SF3B2: variants seen among roughly 807,000 people sequenced by gnomAD.
The protein encoded by SF3B2 is splicing factor 3b subunit 2, also known as SAP 145.
Under a neutral mutation model 116.3 loss-of-function variants are expected in SF3B2, and 22 were observed. The observed-to-expected ratio is 0.19, with a 90% CI of 0.14 to 0.27. The LOEUF (loss-of-function observed/expected upper bound fraction) is 0.27. SF3B2 is among the 10% of genes least tolerant of loss of function. The pLI, the probability that SF3B2 is intolerant of heterozygous loss-of-function variation, is 1.00. For missense variants in SF3B2, 767 were observed against 1,151.4 expected (o/e 0.67, Z 4.83); for synonymous variants, 406 against 421.6 (o/e 0.96, Z 0.45).
rs568184615 is a variant in SF3B2 at position 66,061,798 on chromosome 11, G to C, written c.1869+23G>C. ...CCAGTGAGTGTCAGTTAGCTGTCTG[G>C]GGAAGCAGCGAAGAGGCTGGTGGGG... On this transcript the variant is annotated intron_variant, in intron 15 of 21. Coordinates refer to ENST00000322535, the MANE Select transcript of SF3B2 (RefSeq NM_006842.3). 11 of 1,609,658 alleles carry C rather than the reference G, an allele frequency of 6.8e-6. No individual in the cohort carries two copies. The South Asian group carries it at 9.9e-5, about 14-fold the overall frequency.
chr11:66,062,141 C>T (rs1309970574), intron 16 of SF3B2, 143 bp downstream of exon 16: 3 of 663,388 alleles, frequency 4.5e-6, no homozygotes, highest in Non-Finnish European at 7.7e-6. Flanking sequence ...TGTCATATAC[C>T]ATGTGTATGT....
chr11:66,055,808 T>A (rs1856983720), intron 5 of SF3B2: 4 of 517,854 alleles, frequency 7.7e-6, no homozygotes, highest in South Asian at 3.3e-5. Context: ...AACTTTAAAA[T>A]TTTTTAAGGG....
At chr11:66,061,039 AC>A (rs1399072862) in intron 14 of SF3B2, among the ~76,000 whole-genome samples, 4 of 151,898 alleles carry the variant, frequency 2.6e-5, no homozygotes, top group Non-Finnish European at 5.9e-5. Flanking sequence ...CAAGTGATCC[AC>A]CCGCCTCAGC....
At chr11:66,056,800 GT>G (rs1565087671) in intron 5 of SF3B2, 37 bp from the exon 6 acceptor site, 1 of 1,514,336 alleles carries the variant, frequency 6.6e-7, no homozygotes. Context: ...TGCCAAATGC[GT>G]TTTCAGGCAG....
intron 19 of SF3B2, chr11:66,067,605 G>A (rs564679558): frequency 6.4e-6 from 3 of 470,988 alleles, no homozygotes; most frequent in East Asian, 6.2e-5. Flanking sequence ...AACTGTTGTC[G>A]CCTGCTCTAT....
At chr11:66,056,590 C>A (rs1434989975) in intron 5 of SF3B2, among the ~76,000 whole-genome samples, 1 of 152,080 alleles carries the variant, frequency 6.6e-6, no homozygotes, top group Non-Finnish European at 1.5e-5. Context: ...ATATGAAATT[C>A]TCTGCTAGGA....
chr11:66,061,618 G>A (rs998265345), intron 14 of SF3B2, 68 bp from the exon 15 acceptor site: 27 of 1,160,108 alleles, frequency 2.3e-5, no homozygotes, highest in African/African-American at 1.2e-4. Context: ...TATATCTGAT[G>A]TGCGTTAGGA....
In SF3B2 at chr11:66,056,917, T is replaced by C. The variant is rs774931746; in HGVS notation, c.629T>C (p.Met210Thr). The stretch of plus-strand genomic sequence containing the variant: ...CCAGTCCCTCGGCCCCCACAAGACA[T>C]GGGCCAGATTGGTGTGCGCACTCCT... ...GTPVPRPPQD[M>T]GQIGVRTPLG... Residue 210 changes from methionine to threonine, a missense_variant, in exon 6 of 22, where the codon ATG becomes ACG. By Grantham distance (81) the Met-to-Thr change is moderately conservative. This residue lies in a region of SF3B2 where 455 missense variants were observed against 537.5 expected (regional missense o/e 0.85). Coordinates refer to ENST00000322535, the MANE Select transcript of SF3B2 (RefSeq NM_006842.3). 2 of 1,614,056 alleles carry C rather than the reference T, an allele frequency of 1.2e-6. No homozygotes were observed. Among genetic ancestry groups the C allele is most frequent in the Admixed American group, 1.7e-5 (1 of 60,022 alleles).
chr11:66,054,293 A>G (rs1406372939), intron 3 of SF3B2, among the ~76,000 whole-genome samples: 1 of 151,988 alleles, frequency 6.6e-6, no homozygotes, highest in Admixed American at 6.6e-5. Context: ...CCTGGCCAAC[A>G]TGGTGAAACC....
In SF3B2 at chr11:66,069,197, A is replaced by G. The variant is rs111751140; in HGVS notation, c.*452A>G. Reference sequence around the variant, plus strand: ...GCCCTAGCGCGGCAGAGGAAGTAACAGTGGGCTTGGGAAGTAGGCCAGGGC... The same window carrying G: ...GCCCTAGCGCGGCAGAGGAAGTAACGGTGGGCTTGGGAAGTAGGCCAGGGC... On this transcript the variant is annotated 3_prime_UTR_variant, in exon 22 of 22. Transcript: ENST00000322535. 967 of 358,678 alleles carry G rather than the reference A, an allele frequency of 2.7e-3. 8 individuals are homozygous for G. The highest frequency in any genetic ancestry group is 0.018 in the African/African-American group (854 of 47,122). 22.2% of individuals were successfully genotyped at this position (358,678 alleles called of 1,614,324 possible).
chr11:66,064,028 T>C (rs1379216265), intron 19 of SF3B2, among the ~76,000 whole-genome samples: 1 of 152,028 alleles, frequency 6.6e-6, no homozygotes, highest in Admixed American at 6.5e-5. Context: ...AAGACCCGAA[T>C]GAAAAAGCGC....
intron 4 of SF3B2, 98 bp from the exon 5 acceptor site, chr11:66,055,437 A>G (rs1219413324): frequency 7.5e-6 from 12 of 1,596,802 alleles, no homozygotes; most frequent in Middle Eastern, 1.8e-4. Flanking sequence ...AGATTGGAAC[A>G]TGGGCCCTTG....
chr11:66,061,146 C>T (rs977783767), intron 14 of SF3B2, among the ~76,000 whole-genome samples: 22 of 152,254 alleles, frequency 1.4e-4, no homozygotes, highest in African/African-American at 5.3e-4. Context: ...TAGAATTGCC[C>T]ATCGACTACC....
chr11:66,053,045 CGGCCGGTTT>C lies in SF3B2; in HGVS notation c.200_208del (p.Arg67_Val69del). 1 of 1,614,130 alleles carries C rather than the reference CGGCCGGTTT, an allele frequency of 6.2e-7. No individual in the cohort carries two copies. Among genetic ancestry groups the C allele is most frequent in the South Asian group, 1.1e-5 (1 of 91,084 alleles). Reference sequence around the variant, plus strand: ...TTTGCAGACTGGCATCGTGCTGAATCGGCCGGTTTTGAGAGGGGAAGATGGGGACAAAGC... The same window carrying C: ...TTTGCAGACTGGCATCGTGCTGAATCTGAGAGGGGAAGATGGGGACAAAGC... On this transcript the variant is annotated inframe_deletion, in exon 3 of 22. Transcript: ENST00000322535.
At chr11:66,056,732 T>C (rs760619346) in intron 5 of SF3B2, 106 bp from the exon 6 acceptor site, 10 of 810,448 alleles carry the variant, frequency 1.2e-5, no homozygotes, top group Middle Eastern at 2.4e-4. Context: ...AAGTGGTTCG[T>C]GATTGTTCTC....
At chr11:66,063,194 A>G in intron 17 of SF3B2, 78 bp downstream of exon 17, 1 of 1,198,396 alleles carries the variant, frequency 8.3e-7, no homozygotes, top group Non-Finnish European at 1.2e-6. Flanking sequence ...CTTCATTATC[A>G]GGGAGTTGTG....
chr11:66,053,018 C>T lies in SF3B2; in HGVS notation c.181-9C>T. On this transcript the variant is annotated splice_polypyrimidine_tract_variant and intron_variant, in intron 2 of 21. Coordinates refer to ENST00000322535, the MANE Select transcript of SF3B2 (RefSeq NM_006842.3). Reference sequence around the variant, plus strand: ...TTTGGACTGACCTAGAGTCCTTTCTCTTTTGCAGACTGGCATCGTGCTGAA... The same window carrying T: ...TTTGGACTGACCTAGAGTCCTTTCTTTTTTGCAGACTGGCATCGTGCTGAA... The T allele has an allele frequency of 1.2e-6, 2 of 1,614,072 alleles. No individual in the cohort carries two copies. Among genetic ancestry groups the T allele is most frequent in the Non-Finnish European group, 1.7e-6 (2 of 1,179,928 alleles).
At position 66,059,647 on chromosome 11, in the gene SF3B2, T is replaced by TG; in HGVS notation, c.1401+56dup. On this transcript the variant is annotated intron_variant, in intron 12 of 21. Transcript: ENST00000322535. The surrounding 1 kb of genome is among the most constrained non-coding windows in gnomAD (Gnocchi z 5.0). ...CCTGGAGCCCAGCTGGGAGACCACC[T>TG]GGGGAGCCAGGGAGGTGAAAAGGAG... 1 of 1,599,458 alleles carries TG rather than the reference T, an allele frequency of 6.3e-7. No individual in the cohort carries two copies. The highest frequency in any genetic ancestry group is 8.6e-7 in the Non-Finnish European group (1 of 1,166,886).
At chr11:66,058,474 TG>T in intron 9 of SF3B2, 69 bp downstream of exon 9, 1 of 1,245,808 alleles carries the variant, frequency 8.0e-7, no homozygotes, top group Non-Finnish European at 1.2e-6. Flanking sequence ...TAACACAATT[TG>T]TAAGTGTTCA....
Sources: allele counts gnomAD v4.1 joint callset (sites outside exome capture counted in the v4.1 genomes callset), GRCh38; gene constraint gnomAD v4.1.1; regional missense constraint gnomAD v4.1.1; non-coding constraint Gnocchi (gnomAD v3.1); transcripts MANE v1.5; gene names NCBI Gene and HGNC (gene_info 2026-07-23, HGNC 2026-07-21).